The following ST3GAL6 variants were observed in gnomAD, a reference collection of about 807,000 sequenced individuals.
ST3GAL6 encodes type 2 lactosamine alpha-2,3-sialyltransferase.
In ST3GAL6, 31 loss-of-function variants were observed where a neutral mutation model predicts 40.5. That is an observed-to-expected ratio of 0.77 (90% confidence interval 0.58 to 1.03). ST3GAL6 has a LOEUF of 1.03. ST3GAL6 is among the 50% of genes least tolerant of loss of function. The pLI, the probability that ST3GAL6 is intolerant of heterozygous loss-of-function variation, is 0.00. For missense variants in ST3GAL6, 357 were observed against 393.2 expected, an observed-to-expected ratio of 0.91 and a Z score of 0.78; for synonymous variants, 129 against 136.9, an observed-to-expected ratio of 0.94 and a Z score of 0.40.
intron 5 of ST3GAL6, among the ~76,000 whole-genome samples, chr3:98,776,333 A>G (rs1939543807): frequency 6.6e-6 from 1 of 152,228 alleles, no homozygotes; most frequent in South Asian, 2.1e-4. Context: ...TAGTTCCTCA[A>G]GTGACCTTAT....
chr3:98,741,082 G>GTA (rs1936045594), intron 1 of ST3GAL6, among the ~76,000 whole-genome samples: 1 of 149,908 alleles, frequency 6.7e-6, no homozygotes, highest in South Asian at 2.1e-4. Context: ...GTGTGTGTGT[G>GTA]TGCATGCATG....
chr3:98,732,814 C>A (rs769638593), intron 1 of ST3GAL6: 59 of 1,477,784 alleles, frequency 4.0e-5, no homozygotes, highest in South Asian at 1.4e-4. Flanking sequence ...CCGCCCCTGG[C>A]CCGCGCCACC....
In ST3GAL6 at chr3:98,772,859, A is replaced by G. The variant is rs752130745; in HGVS notation, c.214A>G (p.Ile72Val). ...TCTGTGTGCGGCTGATTTTAGAAAG[A>G]TTGCTTCCTTGTATGGTAGCGATAA... The part of the protein sequence containing the change: ...PFLCAADFRK[I>V]ASLYGSDKFD... Residue 72 changes from isoleucine to valine, a missense_variant, in exon 4 of 10, where the codon ATT becomes GTT. Physicochemically the swap from Ile to Val is conservative, Grantham distance 29. Transcript: ENST00000483910. 51 of 1,613,376 alleles carry G rather than the reference A, an allele frequency of 3.2e-5. No homozygotes were observed. Among genetic ancestry groups the G allele is most frequent in the Non-Finnish European group, 3.9e-5 (46 of 1,179,574 alleles).
upstream of ST3GAL6, among the ~76,000 whole-genome samples, chr3:98,758,332 AATGAAACCTATTTC>A (rs1466121703): frequency 2.6e-5 from 4 of 152,210 alleles, no homozygotes; most frequent in Non-Finnish European, 5.9e-5. Flanking sequence ...TCCAAATGAG[AATGAAACCTATTTC>A]ATGAAACCTA....
At chr3:98,783,766 T>G (rs1007111399) in intron 5 of ST3GAL6, 1 of 786,682 alleles carries the variant, frequency 1.3e-6, no homozygotes, top group Non-Finnish European at 1.5e-6. Context: ...ACTGATTAGG[T>G]AGACACTGAT....
intron 1 of ST3GAL6, among the ~76,000 whole-genome samples, chr3:98,736,738 C>T (rs1014711832): frequency 1.7e-4 from 26 of 152,156 alleles, no homozygotes; most frequent in African/African-American, 5.1e-4. Context: ...TTGGACACAG[C>T]AAAGCCCCTG....
upstream of ST3GAL6, among the ~76,000 whole-genome samples, chr3:98,760,622 T>A (rs560297416): frequency 5.9e-5 from 9 of 152,280 alleles, no homozygotes; most frequent in East Asian, 5.8e-4. Context: ...GGCTTTTTTT[T>A]AAACTGAGAT....
chr3:98,743,271 T>C (rs897502946), intron 1 of ST3GAL6, among the ~76,000 whole-genome samples: 1 of 152,106 alleles, frequency 6.6e-6, no homozygotes, highest in Admixed American at 6.6e-5. Context: ...TCCATCAACC[T>C]TGGCCTCGCA....
At chr3:98,755,808 T>TA (rs1937374470) in intron 1 of ST3GAL6, among the ~76,000 whole-genome samples, 1 of 116,374 alleles carries the variant, frequency 8.6e-6, no homozygotes, top group Non-Finnish European at 1.9e-5. Context: ...GAGATTTTTT[T>TA]CATTTTTTTT....
chr3:98,761,666 T>C (rs1157287230), upstream of ST3GAL6, among the ~76,000 whole-genome samples: 1 of 151,908 alleles, frequency 6.6e-6, no homozygotes, highest in African/African-American at 2.4e-5. Context: ...ATCTAATGCT[T>C]CTTGGAAGCT....
rs11326863 is a variant in ST3GAL6, at chr3:98,742,694, C to CT, written c.-12+10177dup. Among the ~76,000 whole-genome samples, 227 of 142,464 alleles carry CT rather than the reference C, an allele frequency of 1.6e-3. 1 individual carries two copies. Among genetic ancestry groups the CT allele is most frequent in the Middle Eastern group, 3.6e-3 (1 of 280 alleles). 93.5% of individuals were successfully genotyped at this position (142,464 alleles called of 152,430 possible). A position where few individuals can be genotyped will look rare whatever the true frequency, so the allele number is the denominator to read the frequency against. ...CTTATATTTTTCTTTTTCTTTCTTT[C>CT]TTTTTTTTTTTTTTTCTTTTTGAGA... On this transcript the variant is annotated intron_variant, in intron 1 of 9. Transcript: ENST00000265261.
chr3:98,740,225 CTTTT>C lies in ST3GAL6; in HGVS notation c.-12+7712_-12+7715del, dbSNP rs764868667. Among the ~76,000 whole-genome samples the C allele has an allele frequency of 7.5e-3, 911 of 122,142 alleles. 9 individuals carry two copies. Among genetic ancestry groups the C allele is most frequent in the African/African-American group, 0.023 (742 of 32,466 alleles). 80.1% of individuals were successfully genotyped at this position (122,142 alleles called of 152,430 possible). ...AATCTGGCTCTCTTATTGCAAAACACTTTTTTTTTTTTTTTTTTTTTTACAAATT... is the reference window on the plus strand; with the variant it reads ...AATCTGGCTCTCTTATTGCAAAACACTTTTTTTTTTTTTTTTTTACAAATT... On this transcript the variant is annotated intron_variant, in intron 1 of 9. Coordinates refer to the ST3GAL6 transcript ENST00000265261.
upstream of ST3GAL6, chr3:98,762,840 G>A: frequency 4.1e-6 from 4 of 985,408 alleles, no homozygotes; most frequent in Non-Finnish European, 4.8e-6. Flanking sequence ...GCATGGGGAT[G>A]AAAATATCCG....
rs1303200554 is a variant in ST3GAL6 at position 98,795,164 on chromosome 3, G to A, written c.*1403G>A. ...AGAAACAGAAAAATAGAGGTTATAA[G>A]GATGGAACTAAAAGTTGTCAGAAGA... On this transcript the variant is annotated 3_prime_UTR_variant, in exon 10 of 10. Coordinates refer to ENST00000483910, the MANE Select transcript of ST3GAL6 (RefSeq NM_001323368.2). The A allele has an allele frequency of 6.6e-6, 1 of 152,080 alleles. No individual in the cohort carries two copies. The highest frequency in any genetic ancestry group is 1.5e-5 in the Non-Finnish European group (1 of 68,014). 9.4% of individuals were successfully genotyped at this position (152,080 alleles called of 1,614,324 possible). A position where few individuals can be genotyped will look rare whatever the true frequency, so the allele number is the denominator to read the frequency against.
intron 1 of ST3GAL6, among the ~76,000 whole-genome samples, chr3:98,749,590 G>A (rs1258281712): frequency 6.6e-6 from 1 of 152,156 alleles, no homozygotes; most frequent in African/African-American, 2.4e-5. Context: ...GAATAAATTG[G>A]CATAATAAGT....
At chr3:98,767,754 G>A (rs912715063) in intron 1 of ST3GAL6, among the ~76,000 whole-genome samples, 1 of 152,104 alleles carries the variant, frequency 6.6e-6, no homozygotes, top group Non-Finnish European at 1.5e-5. Flanking sequence ...TTTTAGAGAG[G>A]ATTGTGTCAA....
At chr3:98,787,654 A>C (rs12330170) in intron 6 of ST3GAL6, among the ~76,000 whole-genome samples, 65,194 of 152,008 alleles carry the variant, frequency 0.43, 14,144 homozygotes, top group Non-Finnish European at 0.45. Flanking sequence ...GTGCTACATG[A>C]CTGTGTGGCT....
intron 8 of ST3GAL6, 57 bp downstream of exon 8, chr3:98,788,520 G>A (rs1007652892): frequency 6.6e-7 from 1 of 1,510,562 alleles, no homozygotes; most frequent in African/African-American, 1.4e-5. Context: ...GTAGGATAGA[G>A]GGTCCTGGGA....
At chr3:98,747,900 G>T (rs1321188653) in intron 1 of ST3GAL6, among the ~76,000 whole-genome samples, 1 of 152,162 alleles carries the variant, frequency 6.6e-6, no homozygotes, top group Admixed American at 6.5e-5. Flanking sequence ...AGAGGAATGG[G>T]GGTAGGGAAG....
Sources: gnomAD v4.1 joint callset for allele counts (sites outside exome capture counted in the v4.1 genomes callset) on GRCh38, gnomAD v4.1.1 for gene constraint, MANE v1.5 for transcripts, NCBI Gene and HGNC (gene_info 2026-07-23, HGNC 2026-07-21) for gene names.